The following WDR27 variants were observed in gnomAD, a reference collection of about 807,000 sequenced individuals.
WDR27 encodes the protein WD repeat-containing protein 27.
A neutral mutation model predicts 114.4 loss-of-function variants in WDR27; 100 were observed. That is an observed-to-expected ratio of 0.87 (90% confidence interval 0.74 to 1.03). The LOEUF is 1.03. WDR27 is among the 50% of genes least tolerant of loss of function. The pLI is 0.00. For missense variants in WDR27, 1,129 were observed against 1,092.9 expected, an observed-to-expected ratio of 1.03 and a Z score of -0.47; for synonymous variants, 449 against 423.1, an observed-to-expected ratio of 1.06 and a Z score of -0.75.
chr6:169,641,749 C>T (rs1819231204), intron 17 of WDR27, among the ~76,000 whole-genome samples: 1 of 152,238 alleles, frequency 6.6e-6, no homozygotes, highest in Non-Finnish European at 1.5e-5. Context: ...CGTTTTTATA[C>T]AGTTCCACTA....
intron 16 of WDR27, among the ~76,000 whole-genome samples, chr6:169,647,470 G>A (rs1369885187): frequency 6.6e-6 from 1 of 152,140 alleles, no homozygotes; most frequent in Non-Finnish European, 1.5e-5. Context: ...CTGTAGGAGG[G>A]GTCAGACAAA....
chr6:169,506,801 A>G (rs1792050759), intron 25 of WDR27, among the ~76,000 whole-genome samples: 1 of 152,238 alleles, frequency 6.6e-6, no homozygotes, highest in South Asian at 2.1e-4. Context: ...CAACAGAGAA[A>G]CAGATATTTC....
intron 25 of WDR27, among the ~76,000 whole-genome samples, chr6:169,484,917 G>A (rs965588262): frequency 6.6e-6 from 1 of 152,144 alleles, no homozygotes; most frequent in African/African-American, 2.4e-5. Context: ...CAAGCAATGG[G>A]GGAAAGGACT....
intron 22 of WDR27, among the ~76,000 whole-genome samples, chr6:169,603,710 C>T (rs1353792398): frequency 6.6e-6 from 1 of 152,164 alleles, no homozygotes; most frequent in Non-Finnish European, 1.5e-5. Context: ...CAGGCTCAAC[C>T]CTGACCCCAG....
At chr6:169,466,338 T>C (rs375469424) in intron 25 of WDR27, among the ~76,000 whole-genome samples, 4 of 152,292 alleles carry the variant, frequency 2.6e-5, no homozygotes, top group African/African-American at 9.6e-5. Context: ...AGAAGTTTAA[T>C]TGACTCAGAT....
At chr6:169,532,541 T>C (rs1795722710) in intron 25 of WDR27, among the ~76,000 whole-genome samples, 1 of 152,194 alleles carries the variant, frequency 6.6e-6, no homozygotes, top group Admixed American at 6.5e-5. Flanking sequence ...TTATTATTAA[T>C]AAATGAGAAA....
chr6:169,649,708 C>T (rs1463502495), intron 14 of WDR27, among the ~76,000 whole-genome samples: 1 of 151,992 alleles, frequency 6.6e-6, no homozygotes, highest in Non-Finnish European at 1.5e-5. Context: ...ATTCATCCAT[C>T]CAACCATCAC....
At chr6:169,638,510 T>G in intron 18 of WDR27, 29 bp downstream of exon 18, 1 of 1,607,730 alleles carries the variant, frequency 6.2e-7, no homozygotes, top group Non-Finnish European at 8.5e-7. Flanking sequence ...TGGAAATGAC[T>G]GCCCATGGCA....
At chr6:169,678,084 C>T (rs1780528865) in intron 2 of WDR27, among the ~76,000 whole-genome samples, 1 of 152,198 alleles carries the variant, frequency 6.6e-6, no homozygotes, top group African/African-American at 2.4e-5. Flanking sequence ...ACACAGAGTC[C>T]CCACTGAGGC....
chr6:169,456,076 T>C (rs1184626256), downstream of WDR27, among the ~76,000 whole-genome samples: 3 of 152,236 alleles, frequency 2.0e-5, no homozygotes, highest in Non-Finnish European at 4.4e-5. The surrounding 1 kb of genome is among the most constrained non-coding windows in gnomAD (Gnocchi z 4.0). Flanking sequence ...AATAAGACTC[T>C]GGGCTTTCTA....
intron 24 of WDR27, among the ~76,000 whole-genome samples, chr6:169,579,114 TAAC>T (rs571164303): frequency 2.4e-4 from 36 of 152,294 alleles, no homozygotes; most frequent in Admixed American, 2.2e-3. Context: ...TCCACCAGGT[TAAC>T]AACAGTCAAT....
At chr6:169,696,234 T>A (rs1434089055) in intron 1 of WDR27, among the ~76,000 whole-genome samples, 3 of 152,178 alleles carry the variant, frequency 2.0e-5, no homozygotes, top group Non-Finnish European at 4.4e-5. Context: ...AACCCTGAAG[T>A]AAGACTAGAA....
chr6:169,478,340 T>G (rs574770491), intron 25 of WDR27, among the ~76,000 whole-genome samples: 2 of 152,304 alleles, frequency 1.3e-5, no homozygotes, highest in South Asian at 4.1e-4. Flanking sequence ...ATAATGGAAG[T>G]TGGCAAAAGA....
At chr6:169,491,026 C>T (rs1456608863) in intron 25 of WDR27, among the ~76,000 whole-genome samples, 2 of 152,190 alleles carry the variant, frequency 1.3e-5, no homozygotes, top group African/African-American at 4.8e-5. Flanking sequence ...AAAACGTGGA[C>T]TTACGTACTT....
chr6:169,688,779 A>AGT (rs1783715708), intron 2 of WDR27, 38 bp downstream of exon 2: 7 of 1,511,224 alleles, frequency 4.6e-6, no homozygotes, highest in African/African-American at 1.4e-5. Flanking sequence ...GACAAGGGCA[A>AGT]GGCCTTCATG....
rs369504958 is a variant in WDR27 at position 169,665,471 on chromosome 6, C to G, written c.783+15G>C. 85 of 1,610,758 alleles carry G rather than the reference C, an allele frequency of 5.3e-5. No individual in the cohort carries two copies. The East Asian group carries it at 1.9e-3, about 35-fold the overall frequency. ...CATGTCTGGGAACTGGAACTTAACT[C>G]TGTGGCTGTCTCACCTGGCCGTCAG... On this transcript the variant is annotated intron_variant, in intron 7 of 25. Coordinates refer to ENST00000448612, the MANE Select transcript of WDR27 (RefSeq NM_182552.5).
intron 25 of WDR27, among the ~76,000 whole-genome samples, chr6:169,540,753 G>A (rs967053331): frequency 3.3e-5 from 5 of 151,906 alleles, no homozygotes; most frequent in Admixed American, 1.3e-4. Context: ...TTTTTACCCC[G>A]AGATCTTCTC....
At chr6:169,458,269 A>T (rs1407147292) in intron 25 of WDR27, among the ~76,000 whole-genome samples, 1 of 152,128 alleles carries the variant, frequency 6.6e-6, no homozygotes, top group Admixed American at 6.5e-5. Context: ...GATGGGCAGA[A>T]AGCACCCATC....
chr6:169,448,215 G>T, the WDR27 span, among the ~76,000 whole-genome samples: 1 of 152,130 alleles, frequency 6.6e-6, no homozygotes, highest in African/African-American at 2.4e-5. Flanking sequence ...TATTTTACAT[G>T]TGTTTTCTAT....
Sources: allele counts gnomAD v4.1 joint callset (sites outside exome capture counted in the v4.1 genomes callset), GRCh38; gene constraint gnomAD v4.1.1; non-coding constraint Gnocchi (gnomAD v3.1); transcripts MANE v1.5; gene names NCBI Gene and HGNC (gene_info 2026-07-23, HGNC 2026-07-21).